FAM162B: variants seen among roughly 807,000 people sequenced by gnomAD.
FAM162B encodes the protein protein FAM162B.
FAM162B carries 16 observed loss-of-function variants against 20.0 expected under a neutral mutation model. The observed-to-expected ratio is 0.80, with a 90% CI of 0.54 to 1.21. The LOEUF is 1.21. Among genes scored for constraint, FAM162B ranks in the 50% most tolerant of loss-of-function variants. The probability of loss-of-function intolerance (pLI) is 0.00; values close to 1 mark genes in which losing one functional copy is unlikely to be tolerated. For synonymous variants in FAM162B, 83 were observed against 89.7 expected (o/e 0.93, Z 0.42); for missense variants, 260 against 227.5 (o/e 1.14, Z -0.92).
rs558845697 is a variant in FAM162B, at chr6:116,765,560, C to T, written c.17G>A (p.Gly6Glu). ...CCCGCGGCCAAGGCGCAGTAGGCTC[C>T]CGACCGCCCTGAGCATGCTGCCCGC... MLRAV[G>E]SLLRLGRGLT... Residue 6 changes from glycine (G) to glutamate (E), a missense_variant, in exon 1 of 4, where the codon GGG (glycine) becomes GAG (glutamate). By Grantham distance (98) the Gly-to-Glu change is moderately conservative (BLOSUM62 -2). Transcript: ENST00000368557. 4 of 1,374,934 alleles carry T rather than the reference C, an allele frequency of 2.9e-6. No homozygotes were observed. In the African/African-American group the frequency reaches 4.6e-5, roughly 16 times the overall value. 85.2% of individuals were successfully genotyped at this position (1,374,934 alleles called of 1,614,324 possible).
At chr6:116,754,697 CTTT>C (rs869071727) in intron 3 of FAM162B, among the ~76,000 whole-genome samples, 1 of 139,102 alleles carries the variant, frequency 7.2e-6, no homozygotes, top group East Asian at 2.0e-4. Context: ...TCTTCTTCTT[CTTT>C]TTTTGTTTTT....
intron 3 of FAM162B, among the ~76,000 whole-genome samples, chr6:116,753,900 T>C (rs992046170): frequency 8.5e-5 from 13 of 152,138 alleles, no homozygotes; most frequent in South Asian, 8.3e-4. Context: ...ACAGACAACC[T>C]ACGTGAGTGT....
chr6:116,760,005 G>A (rs1040120092), intron 3 of FAM162B, among the ~76,000 whole-genome samples: 3 of 152,028 alleles, frequency 2.0e-5, no homozygotes, highest in Non-Finnish European at 4.4e-5. Context: ...TTCCTTCATT[G>A]CACTAAGAAT....
chr6:116,757,074 C>A (rs533968940), intron 3 of FAM162B, among the ~76,000 whole-genome samples: 8 of 152,166 alleles, frequency 5.3e-5, no homozygotes, highest in African/African-American at 1.9e-4. Context: ...ATCCATTTGG[C>A]ACAAAATTCA....
intron 3 of FAM162B, among the ~76,000 whole-genome samples, chr6:116,757,870 G>A (rs1375981142): frequency 6.6e-6 from 1 of 152,152 alleles, no homozygotes; most frequent in Non-Finnish European, 1.5e-5. Flanking sequence ...TGGAGCGTTT[G>A]AGGCACGAGC....
intron 3 of FAM162B, 64 bp from the exon 4 acceptor site, chr6:116,752,759 C>CATAA: frequency 3.4e-6 from 1 of 294,446 alleles, no homozygotes; most frequent in Non-Finnish European, 5.0e-6. Flanking sequence ...TATATATATA[C>CATAA]ATATATGTAT....
At chr6:116,756,610 C>G (rs6939546) in intron 3 of FAM162B, among the ~76,000 whole-genome samples, 37,906 of 151,984 alleles carry the variant, frequency 0.25, 4,806 homozygotes, top group South Asian at 0.32. Context: ...TGCTGTCAAA[C>G]AGCATTGCCT....
At chr6:116,758,216 A>C (rs1780075133) in intron 3 of FAM162B, among the ~76,000 whole-genome samples, 1 of 152,188 alleles carries the variant, frequency 6.6e-6, no homozygotes, top group Admixed American at 6.5e-5. Flanking sequence ...GTGTCATAAG[A>C]CTGGAAACTG....
intron 2 of FAM162B, 84 bp downstream of exon 2, chr6:116,765,063 G>T: frequency 7.4e-7 from 1 of 1,352,706 alleles, no homozygotes. Flanking sequence ...TTCGCTCCTA[G>T]GTGGCCGCGG....
chr6:116,762,073 T>C lies in FAM162B; in HGVS notation c.294A>G (p.Ile98Met). 1 of 1,585,054 alleles carries C rather than the reference T, an allele frequency of 6.3e-7. No homozygotes were observed. Among genetic ancestry groups the C allele is most frequent in the Non-Finnish European group, 8.6e-7 (1 of 1,159,022 alleles). ...CTCGAGCTTTGTTTCTTGCGGTGTC[T>C]ATCATTTCTGGCCTAAACAAAGATG... The part of the protein sequence containing the change: ...EIPPRIPPEM[I>M]DTARNKARVK... The change falls in exon 3 of 4, where the codon ATA (isoleucine) becomes ATG (methionine). Residue 98 changes from isoleucine (I) to methionine (M), a missense_variant. Coordinates refer to ENST00000368557, the MANE Select transcript of FAM162B (RefSeq NM_001085480.3).
At chr6:116,761,907 CTT>C (rs1771789327) in intron 3 of FAM162B, 68 bp downstream of exon 3, 7 of 1,176,112 alleles carry the variant, frequency 6.0e-6, no homozygotes, top group African/African-American at 1.5e-5. Flanking sequence ...GTGAGATACT[CTT>C]TTAGGGAGGT....
intron 3 of FAM162B, among the ~76,000 whole-genome samples, chr6:116,759,246 CCT>C (rs1780091842): frequency 6.6e-6 from 1 of 150,644 alleles, no homozygotes. Context: ...ACGTGCCTTA[CCT>C]TTTTTGTTTG....
Position 116,765,207 on chromosome 6 carries a change from T to G in FAM162B, c.221A>C (p.Lys74Thr). The G allele has an allele frequency of 6.2e-7, 1 of 1,613,940 alleles. No homozygotes were observed. Among genetic ancestry groups the G allele is most frequent in the Non-Finnish European group, 8.5e-7 (1 of 1,179,952 alleles). ...ACGCCCTGTCCACAGCAGGATTTTC[T>G]TGTCGAACTGCGAAGGCCTGCGCTG... Reference protein sequence around the residue: ...PTQRRPSQFDKKILLWTGRFK... With the variant: ...PTQRRPSQFDTKILLWTGRFK... Residue 74 changes from lysine to threonine, a missense_variant, in exon 2 of 4, where the codon AAG (lysine) becomes ACG (threonine). Coordinates refer to ENST00000368557, the MANE Select transcript of FAM162B (RefSeq NM_001085480.3).
At chr6:116,761,722 A>G (rs1253379659) in intron 3 of FAM162B, among the ~76,000 whole-genome samples, 1 of 144,926 alleles carries the variant, frequency 6.9e-6, no homozygotes, top group Non-Finnish European at 1.5e-5. Flanking sequence ...ACTTGTATAT[A>G]TACTTATATA....
chr6:116,765,160 G>T lies in FAM162B; in HGVS notation c.268C>A (p.Pro90Thr), dbSNP rs749335067. Reference protein sequence around the residue: ...TGRFKSMEEIPPRIPPEMIDT... With the variant: ...TGRFKSMEEITPRIPPEMIDT... Reference sequence around the variant, plus strand: ...CGCCACACTTACGGGATCCGAGGCGGGATCTCCTCCATCGATTTGAAACGC... The same window carrying T: ...CGCCACACTTACGGGATCCGAGGCGTGATCTCCTCCATCGATTTGAAACGC... The change falls in exon 2 of 4, where the codon CCG becomes ACG. Residue 90 changes from proline to threonine, a missense_variant. Pro to Thr is a conservative substitution (Grantham distance 38, BLOSUM62 -1). Transcript: ENST00000368557. The T allele has an allele frequency of 2.3e-5, 37 of 1,613,610 alleles. No homozygotes were observed. In the East Asian group the frequency reaches 7.4e-4, roughly 32 times the overall value.
At position 116,762,036 on chromosome 6, in the gene FAM162B, A is replaced by G; in HGVS notation, c.331T>C (p.Tyr111His). 1 of 1,601,848 alleles carries G rather than the reference A, an allele frequency of 6.2e-7. No individual in the cohort carries two copies. Among genetic ancestry groups the G allele is most frequent in the African/African-American group, 1.3e-5 (1 of 74,952 alleles). The change falls in exon 3 of 4, where the codon TAC (tyrosine) becomes CAC (histidine). Residue 111 changes from tyrosine to histidine, a missense_variant. Transcript: ENST00000368557. ...ATAATTGTGAGTCCAATCATTATGT[A>G]ACAAGCTTTCACTCGAGCTTTGTTT... is the stretch of plus-strand genomic sequence containing the variant. ...ARNKARVKACYIMIGLTIIAC... is the reference protein window; with the variant it reads ...ARNKARVKACHIMIGLTIIAC...
chr6:116,760,033 T>A (rs1222076779), intron 3 of FAM162B, among the ~76,000 whole-genome samples: 2 of 152,218 alleles, frequency 1.3e-5, no homozygotes, highest in Non-Finnish European at 2.9e-5. Context: ...ATCTTTTTAG[T>A]TTATGTGTTT....
chr6:116,755,302 G>A (rs942598558), intron 3 of FAM162B, among the ~76,000 whole-genome samples: 15 of 151,592 alleles, frequency 9.9e-5, no homozygotes, highest in African/African-American at 2.9e-4. Context: ...TATAAAAAAC[G>A]TTTTAGTGGT....
intron 1 of FAM162B, 56 bp from the exon 2 acceptor site, chr6:116,765,311 C>A: frequency 6.3e-7 from 1 of 1,586,132 alleles, no homozygotes; most frequent in Non-Finnish European, 8.6e-7. Context: ...CACAGAGGAT[C>A]AGCGCGCCCT....
Sources: gnomAD v4.1 joint callset for allele counts (sites outside exome capture counted in the v4.1 genomes callset) on GRCh38, gnomAD v4.1.1 for gene constraint, MANE v1.5 for transcripts, NCBI Gene and HGNC (gene_info 2026-07-23, HGNC 2026-07-21) for gene names.